The following AMER1 variants were observed in gnomAD, a reference collection of about 807,000 sequenced individuals.
AMER1 encodes the protein RP11-403E24.2.
In AMER1, 16 loss-of-function variants were observed where a neutral mutation model predicts 53.0. That is an observed-to-expected ratio of 0.30 (90% CI 0.20 to 0.46). The LOEUF (loss-of-function observed/expected upper bound fraction) is 0.46, where lower values mean the gene tolerates loss of function less well. Among genes scored for constraint, AMER1 ranks in the 20% least tolerant of loss-of-function variants. The pLI, the probability that AMER1 is intolerant of heterozygous loss-of-function variation, is 1.00. For missense variants in AMER1, 947 were observed against 884.9 expected (o/e 1.07, Z -0.89); for synonymous variants, 354 against 331.9 (o/e 1.07, Z -0.73).
At chrX:64,197,681 C>A (rs1307069240) in intron 1 of AMER1, among the ~76,000 whole-genome samples, 1 of 112,475 alleles carries the variant, frequency 8.9e-6, no homozygotes, top group Non-Finnish European at 1.9e-5. Context: ...CCCACCTGCC[C>A]TTCTGTATGT....
intron 1 of AMER1, among the ~76,000 whole-genome samples, chrX:64,195,614 C>T (rs192805818): frequency 1.7e-3 from 189 of 112,052 alleles, no homozygotes; most frequent in Non-Finnish European, 3.1e-3. Flanking sequence ...GCAAACTGCG[C>T]ATGCGAAGGA....
rs2147088075 is a variant in AMER1, at chrX:64,191,770, T to C, written c.1517A>G (p.Tyr506Cys). 1 of 1,211,363 alleles carries C rather than the reference T, an allele frequency of 8.3e-7. No homozygotes were observed. Among genetic ancestry groups the C allele is most frequent in the Non-Finnish European group, 1.1e-6 (1 of 895,338 alleles). Residue 506 changes from tyrosine (Y) to cysteine (C), a missense_variant, in exon 2 of 2, where the codon TAT becomes TGT. Tyr to Cys is a radical substitution (Grantham distance 194, BLOSUM62 -2). Transcript: ENST00000374869. ...PRDSYSGDAL[Y>C]EFYEPDDSLE... ...GCTGTCATCTGGCTCATAGAACTCATATAGGGCATCTCCACTGTAGCTGTC... is the reference window on the plus strand; with the variant it reads ...GCTGTCATCTGGCTCATAGAACTCACATAGGGCATCTCCACTGTAGCTGTC...
chrX:64,189,793 A>ACGGGGGGCCCCC lies in AMER1; in HGVS notation c.*85_*86insGGGGGCCCCCCG. ...CAAAGGGTTTTCAAGTTAAACAACA[A>ACGGGGGGCCCCC]CCCCCACCCCCCCACCCTTCTGCCC... On this transcript the variant is annotated 3_prime_UTR_variant, in exon 2 of 2. Coordinates refer to ENST00000374869, the MANE Select transcript of AMER1 (RefSeq NM_152424.4). 1 of 292,066 alleles carries ACGGGGGGCCCCC rather than the reference A, an allele frequency of 3.4e-6. No homozygotes were observed. Among genetic ancestry groups the ACGGGGGGCCCCC allele is most frequent in the Non-Finnish European group, 4.9e-6 (1 of 204,825 alleles). The allele number at this position is 292,066 out of a possible 1,213,427, so 24.1% of individuals were successfully genotyped here. A position where few individuals can be genotyped will look rare whatever the true frequency, so the allele number is the denominator to read the frequency against.
chrX:64,188,439 C>A lies in AMER1; in HGVS notation c.*1440G>T. 2 of 803,138 alleles carry A rather than the reference C, an allele frequency of 2.5e-6. No homozygotes were observed. The allele number at this position is 803,138 out of a possible 1,213,427, so 66.2% of individuals were successfully genotyped here. ...CCAACCTAGTTTAACATGAAAACTG[C>A]ATGGATGCAGGAGAAGGGAGGGTGC... On this transcript the variant is annotated 3_prime_UTR_variant, in exon 2 of 2. Transcript: ENST00000374869.
rs1211707591 is a variant in AMER1 at position 64,191,249 on chromosome X, C to G, written c.2038G>C (p.Gly680Arg). 1 of 1,211,777 alleles carries G rather than the reference C, an allele frequency of 8.3e-7. No homozygotes were observed. Among genetic ancestry groups the G allele is most frequent in the Non-Finnish European group, 1.1e-6 (1 of 895,507 alleles). The change falls in exon 2 of 2, where the codon GGA becomes CGA. Residue 680 changes from glycine (G) to arginine (R), a missense_variant. Gly to Arg is a moderately radical substitution (Grantham distance 125). Coordinates refer to ENST00000374869, the MANE Select transcript of AMER1 (RefSeq NM_152424.4). ...VSGTSQISHR[G>R]ITSAFPTTAS... The stretch of plus-strand genomic sequence containing the variant: ...GTGGTGGGGAAAGCTGAGGTAATTC[C>G]CCGGTGGGAAATCTGAGAGGTCCCT...
rs1930272566 is a variant in AMER1 at position 64,192,485 on chromosome X, C to T, written c.802G>A (p.Ala268Thr). ...GGGGCAGGCTTGGGTTGCACATGTG[C>T]TGAGGCACAGGCCTCCATGGGTTTT... The part of the protein sequence containing the change: ...PEKPMEACAS[A>T]HVQPKPAPEA... Residue 268 changes from alanine (A) to threonine (T), a missense_variant, in exon 2 of 2, where the codon GCA (alanine) becomes ACA (threonine). Transcript: ENST00000374869. 8.3e-7 allele frequency: 1 copy of T among 1,203,102 alleles called. No individual in the cohort carries two copies.
In AMER1 at chrX:64,191,543, C is replaced by T. The variant is rs2147087530; in HGVS notation, c.1744G>A (p.Glu582Lys). 8.2e-7 allele frequency: 1 copy of T among 1,212,291 alleles called. No individual in the cohort carries two copies. Among genetic ancestry groups the T allele is most frequent in the Non-Finnish European group, 1.1e-6 (1 of 895,661 alleles). ...ELRREQLEAQ[E>K]ARAREAHARE... ...GCATGAGCTTCTCGGGCACGTGCCT[C>T]CTGGGCCTCAAGCTGCTCCCGCCGA... Residue 582 changes from glutamate (E) to lysine (K), a missense_variant, in exon 2 of 2, where the codon GAG (glutamate) becomes AAG (lysine). Coordinates refer to ENST00000374869, the MANE Select transcript of AMER1 (RefSeq NM_152424.4).
chrX:64,199,666 C>G (rs1930447597), intron 1 of AMER1, among the ~76,000 whole-genome samples: 1 of 111,382 alleles, frequency 9.0e-6, no homozygotes, highest in Admixed American at 9.5e-5. Context: ...ATGACACAAG[C>G]CTCTTAGCTG....
rs1930257684 is a variant in AMER1, at chrX:64,192,013, T to G, written c.1274A>C (p.Tyr425Ser). Reference sequence around the variant, plus strand: ...GTGGCCTGGGGATGTGGTGGGATGGTAGCCCAGGTTCATATTGGGCCGTGG... The same window carrying G: ...GTGGCCTGGGGATGTGGTGGGATGGGAGCCCAGGTTCATATTGGGCCGTGG... Reference protein sequence around the residue: ...MYPRPNMNLGYHPTTSPGHHG... With the variant: ...MYPRPNMNLGSHPTTSPGHHG... Residue 425 changes from tyrosine (Y) to serine (S), a missense_variant, in exon 2 of 2, where the codon TAC becomes TCC. Coordinates refer to ENST00000374869, the MANE Select transcript of AMER1 (RefSeq NM_152424.4). 8.3e-7 allele frequency: 1 copy of G among 1,211,996 alleles called. No individual in the cohort carries two copies. The highest frequency in any genetic ancestry group is 1.1e-6 in the Non-Finnish European group (1 of 895,571).
Position 64,189,632 on chromosome X carries a change from C to T in AMER1, c.*247G>A. The T allele has an allele frequency of 1.0e-6, 1 of 976,444 alleles. No homozygotes were observed. The highest frequency in any genetic ancestry group is 3.8e-5 in the South Asian group (1 of 26,586). The allele number at this position is 976,444 out of a possible 1,213,427, so 80.5% of individuals were successfully genotyped here. ...CCCAGCGTGGGTCACAAGAAGAAAC[C>T]TCGAAAGCAAAAACTGGAGTGCAGT... is the stretch of plus-strand genomic sequence containing the variant. On this transcript the variant is annotated 3_prime_UTR_variant, in exon 2 of 2. Transcript: ENST00000374869.
rs2147087905 is a variant in AMER1, at chrX:64,191,705, G to A, written c.1582C>T (p.Leu528Phe). 8.3e-7 allele frequency: 1 copy of A among 1,211,902 alleles called. No individual in the cohort carries two copies. Among genetic ancestry groups the A allele is most frequent in the Non-Finnish European group, 1.1e-6 (1 of 895,469 alleles). ...SPPGDDCLYDLHGRSSEMFDP... is the reference protein window; with the variant it reads ...SPPGDDCLYDFHGRSSEMFDP... ...AACATCTCAGAGCTTCGACCATGGAGGTCATAAAGGCAGTCATCTCCAGGT... is the reference window on the plus strand; with the variant it reads ...AACATCTCAGAGCTTCGACCATGGAAGTCATAAAGGCAGTCATCTCCAGGT... The change falls in exon 2 of 2, where the codon CTC becomes TTC. Residue 528 changes from leucine (L) to phenylalanine (F), a missense_variant. Leu to Phe is a conservative substitution (Grantham distance 22, BLOSUM62 0). Transcript: ENST00000374869.
Position 64,189,793 on chromosome X carries a change from A to AGGGGGGGC in AMER1, c.*85_*86insGCCCCCCC. Reference sequence around the variant, plus strand: ...CAAAGGGTTTTCAAGTTAAACAACAACCCCCACCCCCCCACCCTTCTGCCC... The same window carrying AGGGGGGGC: ...CAAAGGGTTTTCAAGTTAAACAACAAGGGGGGGCCCCCCACCCCCCCACCCTTCTGCCC... On this transcript the variant is annotated 3_prime_UTR_variant, in exon 2 of 2. Coordinates refer to ENST00000374869, the MANE Select transcript of AMER1 (RefSeq NM_152424.4). The AGGGGGGGC allele has an allele frequency of 3.1e-5, 9 of 292,035 alleles. No individual in the cohort carries two copies. The highest frequency in any genetic ancestry group is 3.4e-4 in the East Asian group (2 of 5,962). 24.1% of individuals were successfully genotyped at this position (292,035 alleles called of 1,213,427 possible).
In AMER1 at chrX:64,190,529, C is replaced by T. The variant is rs2147085372; in HGVS notation, c.2758G>A (p.Glu920Lys). ...HLVQGYLESD[E>K]LQAQQEDSDE... is the part of the protein sequence containing the mutation. Reference sequence around the variant, plus strand: ...GAATCTTCCTGCTGGGCCTGCAGCTCATCAGACTCGAGGTAGCCCTGGACC... The same window carrying T: ...GAATCTTCCTGCTGGGCCTGCAGCTTATCAGACTCGAGGTAGCCCTGGACC... The change falls in exon 2 of 2, where the codon GAG (glutamate) becomes AAG (lysine). Residue 920 changes from glutamate to lysine, a missense_variant. By Grantham distance (56) the Glu-to-Lys change is moderately conservative. Coordinates refer to ENST00000374869, the MANE Select transcript of AMER1 (RefSeq NM_152424.4). The T allele has an allele frequency of 4.1e-6, 5 of 1,211,982 alleles. No homozygotes were observed. The highest frequency in any genetic ancestry group is 1.8e-5 in the South Asian group (1 of 56,949).
chrX:64,191,670 G>C lies in AMER1; in HGVS notation c.1617C>G (p.Phe539Leu), dbSNP rs2147087824. Residue 539 changes from phenylalanine (F) to leucine (L), a missense_variant, in exon 2 of 2, where the codon TTC (phenylalanine) becomes TTG (leucine). Physicochemically the swap from Phe to Leu is conservative, Grantham distance 22. Coordinates refer to ENST00000374869, the MANE Select transcript of AMER1 (RefSeq NM_152424.4). ...AGGACAAAAAGGGCTCAAAGTTTAA[G>C]AAGGGGTCAAACATCTCAGAGCTTC... Reference protein sequence around the residue: ...HGRSSEMFDPFLNFEPFLSSR... With the variant: ...HGRSSEMFDPLLNFEPFLSSR... The C allele has an allele frequency of 8.2e-7, 1 of 1,212,320 alleles. No homozygotes were observed. The highest frequency in any genetic ancestry group is 1.1e-6 in the Non-Finnish European group (1 of 895,680).
At chrX:64,199,145 C>A (rs1930435959) in intron 1 of AMER1, among the ~76,000 whole-genome samples, 1 of 112,307 alleles carries the variant, frequency 8.9e-6, no homozygotes, top group Admixed American at 9.4e-5. Flanking sequence ...CTCACCAACT[C>A]CAGATGCAGC....
intron 1 of AMER1, among the ~76,000 whole-genome samples, chrX:64,196,476 C>A (rs1422080545): frequency 8.9e-6 from 1 of 112,044 alleles, no homozygotes; most frequent in Non-Finnish European, 1.9e-5. Flanking sequence ...CAGGTCAGAT[C>A]CCAGTTTCTT....
At chrX:64,199,432 G>C (rs1249370471) in intron 1 of AMER1, among the ~76,000 whole-genome samples, 4 of 112,132 alleles carry the variant, frequency 3.6e-5, no homozygotes, top group Admixed American at 1.9e-4. Context: ...TGTGTGGTTT[G>C]AGAAAGTGGC....
At chrX:64,196,943 G>A (rs940105276) in intron 1 of AMER1, among the ~76,000 whole-genome samples, 1 of 112,224 alleles carries the variant, frequency 8.9e-6, no homozygotes, top group Non-Finnish European at 1.9e-5. Context: ...TCTGCCTTAG[G>A]CCTCTTCTCC....
Position 64,189,186 on chromosome X carries a change from C to T in AMER1, c.*693G>A. Reference sequence around the variant, plus strand: ...GCGATAGGCTGTGAGACACACGCTACTTGATCCTCTCTAAGGACAGCTAGC... The same window carrying T: ...GCGATAGGCTGTGAGACACACGCTATTTGATCCTCTCTAAGGACAGCTAGC... On this transcript the variant is annotated 3_prime_UTR_variant, in exon 2 of 2. Transcript: ENST00000374869. 1 of 801,236 alleles carries T rather than the reference C, an allele frequency of 1.2e-6. No individual in the cohort carries two copies. The highest frequency in any genetic ancestry group is 6.6e-5 in the South Asian group (1 of 15,215). The allele number at this position is 801,236 out of a possible 1,213,427, so 66.0% of individuals were successfully genotyped here. A position where few individuals can be genotyped will look rare whatever the true frequency, so the allele number is the denominator to read the frequency against.
Sources: gnomAD v4.1 joint callset for allele counts (sites outside exome capture counted in the v4.1 genomes callset) on GRCh38, gnomAD v4.1.1 for gene constraint, MANE v1.5 for transcripts, NCBI Gene and HGNC (gene_info 2026-07-23, HGNC 2026-07-21) for gene names.